The following MTMR7 variants were observed in gnomAD, a reference collection of about 807,000 sequenced individuals.
MTMR7 encodes myotubularin related protein 7, also known as phosphatidylinositol-3-phosphate phosphatase MTMR7.
Under a neutral mutation model 81.2 loss-of-function variants are expected in MTMR7, and 76 were observed. That is an observed-to-expected ratio of 0.94 (90% CI 0.78 to 1.13). MTMR7 has a LOEUF of 1.13. MTMR7 is among the 50% of genes most tolerant of loss of function. The pLI, the probability that MTMR7 is intolerant of heterozygous loss-of-function variation, is 0.00. For missense variants in MTMR7, 1,044 were observed against 820.0 expected (o/e 1.27, Z -3.34); for synonymous variants, 372 against 289.8 (o/e 1.28, Z -2.88).
chr8:17,378,150 A>G (rs549242509), intron 1 of MTMR7, among the ~76,000 whole-genome samples: 1 of 152,168 alleles, frequency 6.6e-6, no homozygotes, highest in Admixed American at 6.5e-5. Flanking sequence ...CTGCTGCAGG[A>G]AAGTCACATT....
chr8:17,326,716 A>C (rs149753297), intron 7 of MTMR7, among the ~76,000 whole-genome samples: 1 of 152,324 alleles, frequency 6.6e-6, no homozygotes, highest in East Asian at 1.9e-4. Context: ...GCCAACAACC[A>C]TAAGTGCTTG....
chr8:17,411,025 G>C (rs1016269252), intron 1 of MTMR7, among the ~76,000 whole-genome samples: 9 of 152,128 alleles, frequency 5.9e-5, no homozygotes, highest in Non-Finnish European at 4.4e-5. Flanking sequence ...AAATAATAAA[G>C]ATGAATATGA....
chr8:17,300,659 G>T (rs1012226599), intron 13 of MTMR7, among the ~76,000 whole-genome samples: 2 of 152,170 alleles, frequency 1.3e-5, no homozygotes, highest in African/African-American at 4.8e-5. Context: ...ATACAATTCA[G>T]TGGTTTTTAG....
At chr8:17,356,083 C>CACTCTAACCAACAT (rs1563355031) in intron 4 of MTMR7, among the ~76,000 whole-genome samples, 5 of 152,010 alleles carry the variant, frequency 3.3e-5, no homozygotes, top group African/African-American at 7.2e-5. Context: ...ATTACCAACA[C>CACTCTAACCAACAT]CACTCTAGGT....
At chr8:17,408,629 G>T (rs1821660743) in intron 1 of MTMR7, among the ~76,000 whole-genome samples, 1 of 152,056 alleles carries the variant, frequency 6.6e-6, no homozygotes, top group African/African-American at 2.4e-5. Flanking sequence ...CAATGAATGA[G>T]GTAACAGAAA....
At chr8:17,381,380 C>T (rs1306083873) in intron 1 of MTMR7, among the ~76,000 whole-genome samples, 3 of 152,060 alleles carry the variant, frequency 2.0e-5, no homozygotes, top group Non-Finnish European at 2.9e-5. Flanking sequence ...CATAAATCAC[C>T]GAGAGTCAGA....
rs774508309 is a variant in MTMR7, at chr8:17,341,446, G to C, written c.649C>G (p.Leu217Val). Residue 217 changes from leucine to valine, a missense_variant, in exon 6 of 14, where the codon CTA (leucine) becomes GTA (valine). Leu to Val is a conservative substitution (Grantham distance 32, BLOSUM62 1). Transcript: ENST00000180173. The part of the protein sequence containing the change: ...QPLSGFSARC[L>V]EDEQMLQAIR... ...GCCTGGAGCATCTGCTCGTCCTCTA[G>C]GCACCGGGCACTGAAGCCGGACAGG... 1.9e-6 allele frequency: 3 copies of C among 1,614,122 alleles called. 1 individual carries two copies. Among genetic ancestry groups the C allele is most frequent in the Non-Finnish European group, 2.5e-6 (3 of 1,180,026 alleles).
At chr8:17,343,394 C>T (rs1399693598) in intron 5 of MTMR7, among the ~76,000 whole-genome samples, 1 of 151,970 alleles carries the variant, frequency 6.6e-6, no homozygotes, top group African/African-American at 2.4e-5. Flanking sequence ...TACACCACTG[C>T]ACTCCAGCCC....
At chr8:17,364,322 C>G (rs1426330284) in intron 3 of MTMR7, among the ~76,000 whole-genome samples, 1 of 152,018 alleles carries the variant, frequency 6.6e-6, no homozygotes, top group South Asian at 2.1e-4. Flanking sequence ...CGTGAGCCAC[C>G]GCGCCCGGTC....
intron 4 of MTMR7, 61 bp downstream of exon 4, chr8:17,361,056 T>C (rs540805782): frequency 2.0e-5 from 32 of 1,574,780 alleles, no homozygotes; most frequent in Non-Finnish European, 2.5e-5. Flanking sequence ...AATAAAGGGA[T>C]GCTAAGCTGG....
intron 1 of MTMR7, among the ~76,000 whole-genome samples, chr8:17,406,101 T>A (rs1049370263): frequency 6.6e-6 from 1 of 152,024 alleles, no homozygotes; most frequent in Non-Finnish European, 1.5e-5. Context: ...TTCTAGAAAA[T>A]ATACATAGAT....
At chr8:17,302,499 T>G (rs980380335) in intron 12 of MTMR7, 3 of 474,272 alleles carry the variant, frequency 6.3e-6, no homozygotes, top group African/African-American at 6.0e-5. Context: ...ATGAAAAGTC[T>G]GCCTGTATAT....
intron 10 of MTMR7, among the ~76,000 whole-genome samples, chr8:17,306,514 C>G (rs1817465329): frequency 6.6e-6 from 1 of 152,144 alleles, no homozygotes; most frequent in African/African-American, 2.4e-5. Flanking sequence ...TTTTATCTCC[C>G]ATTGCTTTGC....
intron 3 of MTMR7, among the ~76,000 whole-genome samples, chr8:17,364,093 G>C (rs1167044937): frequency 2.9e-5 from 4 of 136,488 alleles, no homozygotes; most frequent in Non-Finnish European, 3.0e-5. Flanking sequence ...GCAGTGGCGC[G>C]ATCTCGGCTC....
intron 7 of MTMR7, among the ~76,000 whole-genome samples, chr8:17,330,662 T>G (rs1476247998): frequency 6.6e-6 from 1 of 152,196 alleles, no homozygotes; most frequent in East Asian, 1.9e-4. Flanking sequence ...AAAGTGTGTG[T>G]GGAGGTGGCG....
chr8:17,399,063 C>G (rs1232536026), intron 1 of MTMR7, among the ~76,000 whole-genome samples: 2 of 152,118 alleles, frequency 1.3e-5, no homozygotes, highest in Non-Finnish European at 2.9e-5. Flanking sequence ...TGTCTACGAT[C>G]TGGAACACAG....
chr8:17,391,420 C>A (rs779168313), intron 1 of MTMR7, among the ~76,000 whole-genome samples: 1 of 152,070 alleles, frequency 6.6e-6, no homozygotes, highest in Admixed American at 6.5e-5. Context: ...TTTACAAATT[C>A]TTTACTACAC....
In MTMR7 at chr8:17,367,270, C is replaced by T. The variant is rs555762117; in HGVS notation, c.310+3767G>A. Among the ~76,000 whole-genome samples the T allele has an allele frequency of 4.8e-4, 73 of 151,868 alleles. 1 individual carries two copies. The highest frequency in any genetic ancestry group is 1.0e-3 in the South Asian group (5 of 4,804). On this transcript the variant is annotated intron_variant, in intron 3 of 13. Coordinates refer to ENST00000180173, the MANE Select transcript of MTMR7 (RefSeq NM_004686.5). ...AGTTTAGGAAAAGGGGGAAAACAAACAAAAGAAATTATTTAAGTGTTGAAG... is the reference window on the plus strand; with the variant it reads ...AGTTTAGGAAAAGGGGGAAAACAAATAAAAGAAATTATTTAAGTGTTGAAG...
At chr8:17,335,998 G>A (rs772175323) in intron 6 of MTMR7, among the ~76,000 whole-genome samples, 68 of 152,282 alleles carry the variant, frequency 4.5e-4, no homozygotes, top group Non-Finnish European at 6.0e-4. Context: ...AGAGGAGGGA[G>A]AAGAGAAGAG....
Sources: allele counts gnomAD v4.1 joint callset (sites outside exome capture counted in the v4.1 genomes callset), GRCh38; gene constraint gnomAD v4.1.1; transcripts MANE v1.5; gene names NCBI Gene and HGNC (gene_info 2026-07-23, HGNC 2026-07-21).